Variants in GPALPP1 observed in about 807,000 individuals in gnomAD.
GPALPP1 encodes the protein GPALPP motifs containing 1, also known as GPALPP motifs-containing protein 1.
Under a neutral mutation model 38.9 loss-of-function variants are expected in GPALPP1, and 30 were observed. That is an observed-to-expected ratio of 0.77 (90% CI 0.58 to 1.05). GPALPP1 has a LOEUF of 1.05. Ranked by LOEUF, GPALPP1 falls within the 50% of genes least tolerant of loss-of-function variation. GPALPP1 has a pLI of 0.00. For missense variants in GPALPP1, 384 were observed against 408.8 expected, an observed-to-expected ratio of 0.94 and a Z score of 0.52; for synonymous variants, 120 against 139.2, an observed-to-expected ratio of 0.86 and a Z score of 0.97.
chr13:45,023,661 A>T (rs909617035), intron 7 of GPALPP1, among the ~76,000 whole-genome samples: 3 of 152,174 alleles, frequency 2.0e-5, no homozygotes, highest in Non-Finnish European at 4.4e-5. Context: ...GGTCTTTGTT[A>T]TATATTTAGG....
chr13:44,992,751 C>G (rs1371178308), intron 1 of GPALPP1, among the ~76,000 whole-genome samples: 1 of 152,116 alleles, frequency 6.6e-6, no homozygotes, highest in African/African-American at 2.4e-5. Context: ...ATCAGGCAAC[C>G]ATATATATGC....
intron 1 of GPALPP1, among the ~76,000 whole-genome samples, chr13:44,998,707 G>A (rs1566073003): frequency 6.6e-6 from 1 of 152,160 alleles, no homozygotes; most frequent in Non-Finnish European, 1.5e-5. Flanking sequence ...ACTACCTACT[G>A]CCTGTAAAAG....
At chr13:45,020,661 C>A (rs1255927155) in intron 7 of GPALPP1, among the ~76,000 whole-genome samples, 1 of 150,778 alleles carries the variant, frequency 6.6e-6, no homozygotes, top group Non-Finnish European at 1.5e-5. Flanking sequence ...AAAAAGGAAG[C>A]CAGAAGCAAA....
intron 1 of GPALPP1, among the ~76,000 whole-genome samples, chr13:44,995,545 CCT>C (rs957501001): frequency 1.3e-5 from 2 of 152,154 alleles, no homozygotes; most frequent in African/African-American, 4.8e-5. Flanking sequence ...TCTTTCCTCC[CCT>C]GACAGGATTT....
At chr13:45,031,962 A>C (rs760240870), downstream of GPALPP1, 5 of 152,232 alleles carry the variant, frequency 3.3e-5, no homozygotes, top group Non-Finnish European at 5.9e-5. Context: ...CACTAAGTTA[A>C]TATAATGGAG....
At position 44,989,627 on chromosome 13, in the gene GPALPP1, T is replaced by TA; in HGVS notation, c.-27dup. ...GGGTTGACGTTCGTGGATAGACTCA[T>TA]ATCTGTGACCAGTGTCCGCCACCGC... is the stretch of plus-strand genomic sequence containing the variant. On this transcript the variant is annotated 5_prime_UTR_variant, in exon 1 of 8. Transcript: ENST00000379151. 2 of 1,594,146 alleles carry TA rather than the reference T, an allele frequency of 1.3e-6. No individual in the cohort carries two copies. Among genetic ancestry groups the TA allele is most frequent in the Non-Finnish European group, 1.7e-6 (2 of 1,162,946 alleles).
chr13:45,006,132 AAAATT>A, intron 2 of GPALPP1, 65 bp from the exon 3 acceptor site: 1 of 806,206 alleles, frequency 1.2e-6, no homozygotes, highest in Admixed American at 2.5e-5. Flanking sequence ...TTTTTTAAAA[AAAATT>A]AAAATGTGCT....
Position 44,989,742 on chromosome 13 carries a change from G to A in GPALPP1, c.88G>A (p.Val30Ile), listed in dbSNP as rs1427174103. ...GGACGAAGAGCGGGACCCGAGCCCT[G>A]GTAAGCGGCGGCGTCTCCGCTGCCC... ...AEDEERDPSPVAGPALPPNYK... is the reference protein window; with the variant it reads ...AEDEERDPSPIAGPALPPNYK... The change falls in exon 1 of 8, where the codon GTT becomes ATT. Residue 30 changes from valine (V) to isoleucine (I), a missense_variant and splice_region_variant. Physicochemically the swap from Val to Ile is conservative, Grantham distance 29. Coordinates refer to ENST00000379151, the MANE Select transcript of GPALPP1 (RefSeq NM_018559.5). 6.2e-6 allele frequency: 10 copies of A among 1,605,450 alleles called. No individual in the cohort carries two copies. Among genetic ancestry groups the A allele is most frequent in the African/African-American group, 2.7e-5 (2 of 74,906 alleles).
chr13:44,994,217 C>CAAAA lies in GPALPP1; in HGVS notation c.88+4493_88+4496dup, dbSNP rs1165851530. Among the ~76,000 whole-genome samples, 17 of 61,472 alleles carry CAAAA rather than the reference C, an allele frequency of 2.8e-4. No homozygotes were observed. The East Asian group carries it at 5.5e-3, about 20-fold the overall frequency. 40.3% of individuals were successfully genotyped at this position (61,472 alleles called of 152,430 possible). The stretch of plus-strand genomic sequence containing the variant: ...TGGGTGATAAAGTGAGACCCTGTCT[C>CAAAA]AAAAAAAAAAAAAAAAAAAAAGGGA... On this transcript the variant is annotated intron_variant, in intron 1 of 7. Coordinates refer to ENST00000379151, the MANE Select transcript of GPALPP1 (RefSeq NM_018559.5).
At chr13:44,998,928 C>T (rs1478723904) in intron 1 of GPALPP1, among the ~76,000 whole-genome samples, 1 of 152,156 alleles carries the variant, frequency 6.6e-6, no homozygotes, top group Non-Finnish European at 1.5e-5. Flanking sequence ...TAGCTGCAAA[C>T]AGGGGAGTTG....
chr13:44,997,931 C>T (rs1346264351), intron 1 of GPALPP1, among the ~76,000 whole-genome samples: 2 of 152,230 alleles, frequency 1.3e-5, no homozygotes, highest in Non-Finnish European at 2.9e-5. Context: ...CCTCCACAAG[C>T]TAATGCTGCT....
intron 6 of GPALPP1, among the ~76,000 whole-genome samples, chr13:45,019,879 A>ATTTTTTTTTTT (rs34893767): frequency 4.3e-4 from 37 of 85,578 alleles, no homozygotes; most frequent in African/African-American, 6.3e-4. Context: ...TAATATTTTG[A>ATTTTTTTTTTT]TTTTTTTTTT....
chr13:44,989,638 A>G lies in GPALPP1; in HGVS notation c.-17A>G. 3 of 1,605,102 alleles carry G rather than the reference A, an allele frequency of 1.9e-6. No individual in the cohort carries two copies. The highest frequency in any genetic ancestry group is 3.3e-5 in the Admixed American group (2 of 59,912). ...CGTGGATAGACTCATATCTGTGACC[A>G]GTGTCCGCCACCGCGGATGGCAAGA... On this transcript the variant is annotated 5_prime_UTR_variant, in exon 1 of 8. Transcript: ENST00000379151.
exon 8 of GPALPP1, chr13:45,036,180 C>G (rs1269448946): frequency 6.6e-6 from 1 of 152,228 alleles, no homozygotes; most frequent in South Asian, 2.1e-4. Context: ...TGGATTGTCA[C>G]TTCTCTTGAG....
At chr13:45,004,259 T>C (rs780553632) in intron 1 of GPALPP1, 46 bp from the exon 2 acceptor site, 2 of 1,541,938 alleles carry the variant, frequency 1.3e-6, no homozygotes, top group Non-Finnish European at 1.8e-6. Flanking sequence ...GAAGGGTTCA[T>C]TGAAACAGTA....
rs1217901023 is a variant in GPALPP1 at position 45,029,839 on chromosome 13, G to T, written c.*1836G>T. 6.6e-6 allele frequency: 1 copy of T among 152,090 alleles called. No homozygotes were observed. Among genetic ancestry groups the T allele is most frequent in the Non-Finnish European group, 1.5e-5 (1 of 68,012 alleles). 9.4% of individuals were successfully genotyped at this position (152,090 alleles called of 1,614,324 possible). On this transcript the variant is annotated 3_prime_UTR_variant, in exon 8 of 8. Transcript: ENST00000379151. ...CAGAAAGATCTCTGGGTTATCTCAT[G>T]TGCTAAGGAAAAACTATTTTGCTTT...
chr13:45,034,523 A>G (rs1010588914), downstream of GPALPP1: 11 of 152,140 alleles, frequency 7.2e-5, no homozygotes, highest in Non-Finnish European at 1.6e-4. Context: ...GACTGATCAC[A>G]TATGCAAATG....
chr13:45,015,171 T>C, intron 5 of GPALPP1, 88 bp downstream of exon 5: 1 of 884,992 alleles, frequency 1.1e-6, no homozygotes, highest in Non-Finnish European at 1.6e-6. Context: ...TAACTTTTAA[T>C]ATATTTTGTT....
chr13:45,010,978 G>C (rs1874430236), intron 4 of GPALPP1, among the ~76,000 whole-genome samples: 1 of 151,778 alleles, frequency 6.6e-6, no homozygotes, highest in African/African-American at 2.4e-5. Context: ...GCGAGACCCT[G>C]TCTCAAAAAG....
Sources: gnomAD v4.1 joint callset for allele counts (sites outside exome capture counted in the v4.1 genomes callset) on GRCh38, gnomAD v4.1.1 for gene constraint, MANE v1.5 for transcripts, NCBI Gene and HGNC (gene_info 2026-07-23, HGNC 2026-07-21) for gene names.